The following PCDH9 variants were observed in gnomAD, a reference collection of about 807,000 sequenced individuals.
PCDH9 encodes protocadherin 9, also known as protocadherin-9.
In PCDH9, 24 loss-of-function variants were observed where a neutral mutation model predicts 70.6. The ratio of observed to expected loss-of-function variants is 0.34; its 90% CI spans 0.25 to 0.48. PCDH9 has a LOEUF of 0.48. Among genes scored for constraint, PCDH9 ranks in the 20% least tolerant of loss-of-function variants. The pLI is 0.99. For synonymous variants in PCDH9, 562 were observed against 558.5 expected (o/e 1.01, Z -0.09); for missense variants, 1,281 against 1,503.6 (o/e 0.85, Z 2.45).
chr13:66,345,924 G>T lies in PCDH9; in HGVS notation c.3341-40896C>A, dbSNP rs553530609. On this transcript the variant is annotated intron_variant, in intron 4 of 4. Coordinates refer to ENST00000377865, the MANE Select transcript of PCDH9 (RefSeq NM_203487.3). ...GTGAGCAATTTGCAAAGGCATTGAA[G>T]TGTACACCACACAATAAGCGTATAG... Among the ~76,000 whole-genome samples, 19 of 152,282 alleles carry T rather than the reference G, an allele frequency of 1.2e-4. No individual in the cohort carries two copies. The East Asian group carries it at 3.5e-3, about 28-fold the overall frequency.
At chr13:66,380,835 G>T (rs193165871) in intron 4 of PCDH9, among the ~76,000 whole-genome samples, 2 of 152,220 alleles carry the variant, frequency 1.3e-5, no homozygotes, top group East Asian at 1.9e-4. Context: ...GAGCCACCGC[G>T]CCAGCCAGAT....
intron 3 of PCDH9, among the ~76,000 whole-genome samples, chr13:66,837,686 A>G (rs2081044745): frequency 6.6e-6 from 1 of 152,122 alleles, no homozygotes; most frequent in Admixed American, 6.6e-5. Context: ...TCTGATTCCT[A>G]CTAAGAAAAA....
chr13:66,883,282 T>C (rs1159340533), intron 3 of PCDH9, among the ~76,000 whole-genome samples: 3 of 152,296 alleles, frequency 2.0e-5, no homozygotes, highest in African/African-American at 4.8e-5. Flanking sequence ...GTGAGTTACA[T>C]AGAGACTAAG....
chr13:66,532,283 C>T (rs1285118787), intron 4 of PCDH9, among the ~76,000 whole-genome samples: 1 of 151,988 alleles, frequency 6.6e-6, no homozygotes, highest in African/African-American at 2.4e-5. Flanking sequence ...GGATGATGGG[C>T]ATGAGCCTTG....
intron 3 of PCDH9, among the ~76,000 whole-genome samples, chr13:66,657,245 G>A (rs1202796777): frequency 3.3e-5 from 5 of 152,150 alleles, no homozygotes; most frequent in Non-Finnish European, 5.9e-5. Context: ...TAGCCTCCAG[G>A]AAGCTATCTC....
chr13:66,464,235 A>G (rs1408878294), intron 4 of PCDH9, among the ~76,000 whole-genome samples: 4 of 151,690 alleles, frequency 2.6e-5, no homozygotes, highest in Non-Finnish European at 5.9e-5. Flanking sequence ...TAAAAAAAAA[A>G]AGAAGAGTGC....
chr13:66,659,897 A>C (rs2077986054), intron 3 of PCDH9, among the ~76,000 whole-genome samples: 1 of 152,192 alleles, frequency 6.6e-6, no homozygotes, highest in South Asian at 2.1e-4. Context: ...CAGCAGAGTC[A>C]AGGATGACAC....
At chr13:66,824,901 A>G (rs897363863) in intron 3 of PCDH9, among the ~76,000 whole-genome samples, 2 of 151,518 alleles carry the variant, frequency 1.3e-5, no homozygotes, top group African/African-American at 2.4e-5. Context: ...ATAACAGGAG[A>G]GATTTTGTAG....
chr13:66,341,155 A>G (rs1254615633), intron 4 of PCDH9, among the ~76,000 whole-genome samples: 2 of 152,004 alleles, frequency 1.3e-5, no homozygotes, highest in African/African-American at 4.8e-5. Context: ...ACACAGTCTC[A>G]CTCATGACTC....
chr13:66,792,108 A>C (rs1191134016), intron 3 of PCDH9, among the ~76,000 whole-genome samples: 1 of 152,102 alleles, frequency 6.6e-6, no homozygotes, highest in Non-Finnish European at 1.5e-5. Context: ...GGTTTTATAT[A>C]AGTCAGTAAT....
chr13:66,773,487 C>T lies in PCDH9; in HGVS notation c.3138+130017G>A, dbSNP rs186968201. On this transcript the variant is annotated intron_variant, in intron 3 of 4. Transcript: ENST00000377865. ...ACTAAAAATACAAAAAAAAATTAGC[C>T]GGGCGTGGTGGCGGGCGCCTGTAGT... Among the ~76,000 whole-genome samples, 951 of 151,068 alleles carry T rather than the reference C, an allele frequency of 6.3e-3. 10 individuals are homozygous for T. Among genetic ancestry groups the T allele is most frequent in the African/African-American group, 0.022 (899 of 41,218 alleles).
At chr13:67,051,350 A>T (rs1015631811) in intron 2 of PCDH9, among the ~76,000 whole-genome samples, 5 of 151,522 alleles carry the variant, frequency 3.3e-5, no homozygotes, top group African/African-American at 1.2e-4. Context: ...GTAAGAATTC[A>T]AAAAAGCGAA....
At chr13:66,822,964 ACT>A (rs1225752054) in intron 3 of PCDH9, among the ~76,000 whole-genome samples, 5 of 151,988 alleles carry the variant, frequency 3.3e-5, no homozygotes, top group African/African-American at 9.7e-5. Flanking sequence ...TGTGTATAAA[ACT>A]CTATTTTAAA....
chr13:67,125,103 G>A (rs1431024692), intron 2 of PCDH9, among the ~76,000 whole-genome samples: 2 of 152,118 alleles, frequency 1.3e-5, no homozygotes, highest in Admixed American at 6.6e-5. Context: ...GAGTTTCCTT[G>A]AATATAAAAT....
chr13:66,823,087 T>C (rs1458082803), intron 3 of PCDH9, among the ~76,000 whole-genome samples: 1 of 151,988 alleles, frequency 6.6e-6, no homozygotes, highest in Non-Finnish European at 1.5e-5. Context: ...ACTTTCAATT[T>C]ATGCAAAATT....
intron 4 of PCDH9, among the ~76,000 whole-genome samples, chr13:66,486,456 C>T (rs1362873321): frequency 6.7e-6 from 1 of 150,314 alleles, no homozygotes; most frequent in Non-Finnish European, 1.5e-5. Context: ...GACCCTGTCC[C>T]CCCCCCACAA....
intron 3 of PCDH9, among the ~76,000 whole-genome samples, chr13:66,707,167 A>C (rs2078722648): frequency 6.6e-6 from 1 of 152,248 alleles, no homozygotes; most frequent in Non-Finnish European, 1.5e-5. Flanking sequence ...GCATGGTCAT[A>C]CTTGGTCCTT....
intron 3 of PCDH9, among the ~76,000 whole-genome samples, chr13:66,640,791 G>T (rs1405762775): frequency 6.6e-6 from 1 of 152,144 alleles, no homozygotes; most frequent in Non-Finnish European, 1.5e-5. Context: ...ATGACGGATT[G>T]TTAATTTGCA....
At chr13:66,499,823 T>C (rs1331069980) in intron 4 of PCDH9, among the ~76,000 whole-genome samples, 1 of 152,206 alleles carries the variant, frequency 6.6e-6, no homozygotes, top group Non-Finnish European at 1.5e-5. Flanking sequence ...CTTAGTGCCA[T>C]CTCACAGGTA....
Sources: gnomAD v4.1 joint callset for allele counts (sites outside exome capture counted in the v4.1 genomes callset) on GRCh38, gnomAD v4.1.1 for gene constraint, MANE v1.5 for transcripts, NCBI Gene and HGNC (gene_info 2026-07-23, HGNC 2026-07-21) for gene names.